The following NMNAT1 variants were observed in gnomAD, a reference collection of about 807,000 sequenced individuals.
NMNAT1 encodes nicotinamide nucleotide adenylyltransferase 1, also known as nicotinamide/nicotinic acid mononucleotide adenylyltransferase 1.
NMNAT1 carries 11 observed loss-of-function variants against 16.7 expected under a neutral mutation model. The ratio of observed to expected loss-of-function variants is 0.66; its 90% CI spans 0.41 to 1.09. The LOEUF (loss-of-function observed/expected upper bound fraction) is 1.09, where lower values mean the gene tolerates loss of function less well. Among genes scored for constraint, NMNAT1 ranks in the 50% least tolerant of loss-of-function variants. The pLI is 0.00. For synonymous variants in NMNAT1, 110 were observed against 119.8 expected, an observed-to-expected ratio of 0.92 and a Z score of 0.53; for missense variants, 280 against 332.3, an observed-to-expected ratio of 0.84 and a Z score of 1.22.
At chr1:9,981,773 C>G (rs1365516158) in intron 4 of NMNAT1, 1 of 154,046 alleles carries the variant, frequency 6.5e-6, no homozygotes, top group African/African-American at 2.4e-5. Context: ...CTTATTTCTC[C>G]TGCAGTGGTC....
the NMNAT1 span, among the ~76,000 whole-genome samples, chr1:9,992,740 T>C: frequency 6.6e-6 from 1 of 151,796 alleles, no homozygotes; most frequent in Non-Finnish European, 1.5e-5. Flanking sequence ...TGAAACCCCA[T>C]CTCTACTAAA....
rs6143117 is a variant in NMNAT1, at chr1:9,968,080, GT to G, written c.-56-3929del. 4.2e-5 allele frequency among the ~76,000 whole-genome samples: 5 copies of G among 117,774 alleles called. 1 individual carries two copies. The Admixed American group carries it at 4.5e-4, about 11-fold the overall frequency. The allele number at this position is 117,774 out of a possible 152,430, so 77.3% of individuals were successfully genotyped here. ...TTTGCCAAATGTAGTTTTTTTTTTT[GT>G]TTTTTTTTGAGATGGAGTCTCGCTC... is the stretch of plus-strand genomic sequence containing the variant. On this transcript the variant is annotated intron_variant, in intron 1 of 4. Transcript: ENST00000377205.
At position 9,982,295 on chromosome 1, in the gene NMNAT1, T is replaced by C. The variant is rs1352785945; in HGVS notation, c.440-6T>C. ...ATACCCCAAAGCTCTGTTTTATTCTTCCCAGCTGTGCCAAAGGTCAAGCTG... is the reference window on the plus strand; with the variant it reads ...ATACCCCAAAGCTCTGTTTTATTCTCCCCAGCTGTGCCAAAGGTCAAGCTG... On this transcript the variant is annotated splice_region_variant and splice_polypyrimidine_tract_variant and intron_variant, in intron 4 of 4. Transcript: ENST00000377205. The C allele has an allele frequency of 6.2e-7, 1 of 1,606,602 alleles. No individual in the cohort carries two copies. The highest frequency in any genetic ancestry group is 8.5e-7 in the Non-Finnish European group (1 of 1,175,640).
the NMNAT1 span, among the ~76,000 whole-genome samples, chr1:9,993,839 C>A: frequency 6.6e-6 from 1 of 152,108 alleles, no homozygotes; most frequent in South Asian, 2.1e-4. Flanking sequence ...CTTACACTTT[C>A]TAGCTTAGCT....
chr1:9,965,794 C>T (rs1641528378), intron 1 of NMNAT1, among the ~76,000 whole-genome samples: 1 of 152,014 alleles, frequency 6.6e-6, no homozygotes, highest in Non-Finnish European at 1.5e-5. Context: ...TGAGACCCAC[C>T]TTGACAACAT....
chr1:9,962,196 G>A (rs116536788), intron 1 of NMNAT1, among the ~76,000 whole-genome samples: 2 of 151,802 alleles, frequency 1.3e-5, no homozygotes, highest in South Asian at 4.2e-4. Flanking sequence ...AAAAATAACA[G>A]CTGCCGCCGG....
chr1:9,962,677 G>T (rs1357226615), intron 1 of NMNAT1, among the ~76,000 whole-genome samples: 5 of 74,232 alleles, frequency 6.7e-5, no homozygotes, highest in East Asian at 9.7e-4. Flanking sequence ...CCAAATAAGG[G>T]TTTTTTTTTT....
At chr1:9,970,014 G>A (rs927214892) in intron 1 of NMNAT1, among the ~76,000 whole-genome samples, 4 of 152,106 alleles carry the variant, frequency 2.6e-5, no homozygotes, top group African/African-American at 9.7e-5. Context: ...CAAAAGCTCC[G>A]GAATTAGAAG....
At chr1:9,952,291 G>A (rs1223237064) in intron 1 of NMNAT1, 1 of 151,940 alleles carries the variant, frequency 6.6e-6, no homozygotes, top group Non-Finnish European at 1.5e-5. Context: ...GACAGAGTGA[G>A]ACTCTGTCTC....
chr1:9,964,200 T>G (rs1186430982), intron 1 of NMNAT1, among the ~76,000 whole-genome samples: 1 of 151,362 alleles, frequency 6.6e-6, no homozygotes, highest in Non-Finnish European at 1.5e-5. Flanking sequence ...CCGAAAGTAT[T>G]TTTATAAAGC....
the NMNAT1 span, among the ~76,000 whole-genome samples, chr1:9,992,922 AAAAAG>A: frequency 6.6e-6 from 1 of 152,040 alleles, no homozygotes; most frequent in African/African-American, 2.4e-5. Flanking sequence ...AAAAAAGAAG[AAAAAG>A]AAAAGAAAAG....
downstream of NMNAT1, among the ~76,000 whole-genome samples, chr1:9,990,060 G>C (rs1255616292): frequency 2.0e-5 from 3 of 152,236 alleles, no homozygotes; most frequent in East Asian, 5.8e-4. Context: ...TGGCTGGCTA[G>C]TTCCAGCGCC....
At chr1:9,947,015 AT>A in intron 1 of NMNAT1, among the ~76,000 whole-genome samples, 1 of 152,148 alleles carries the variant, frequency 6.6e-6, no homozygotes, top group Non-Finnish European at 1.5e-5. Context: ...CTATATGCAG[AT>A]ACATCCAAAT....
chr1:9,964,545 C>T lies in NMNAT1; in HGVS notation c.-56-7473C>T, dbSNP rs1641497790. ...TGGGTGACAGAACAAGACCCCGTCTCAAAAAGAAAAAATAAAAGTATTCTA... is the reference window on the plus strand; with the variant it reads ...TGGGTGACAGAACAAGACCCCGTCTTAAAAAGAAAAAATAAAAGTATTCTA... On this transcript the variant is annotated intron_variant, in intron 1 of 4. Transcript: ENST00000377205. Among the ~76,000 whole-genome samples the T allele has an allele frequency of 4.0e-5, 6 of 151,366 alleles. No individual in the cohort carries two copies. In the South Asian group the frequency reaches 1.3e-3, roughly 32 times the overall value.
At chr1:9,955,403 C>CAAAAAAAA (rs71583829) in intron 1 of NMNAT1, among the ~76,000 whole-genome samples, 1 of 90,798 alleles carries the variant, frequency 1.1e-5, no homozygotes, top group Non-Finnish European at 2.0e-5. Flanking sequence ...GACTTTGTCT[C>CAAAAAAAA]AAAAAAAAAA....
chr1:9,993,302 A>T, the NMNAT1 span, among the ~76,000 whole-genome samples: 4 of 152,020 alleles, frequency 2.6e-5, no homozygotes, highest in African/African-American at 4.8e-5. Context: ...GATACGGTGA[A>T]ACCTCATCAC....
chr1:9,989,795 C>A (rs926129924), downstream of NMNAT1, among the ~76,000 whole-genome samples: 1 of 152,196 alleles, frequency 6.6e-6, no homozygotes, highest in Non-Finnish European at 1.5e-5. Flanking sequence ...TCACACTGAC[C>A]CTCCACTGAG....
At chr1:9,943,664 C>T (rs902967446) in intron 1 of NMNAT1, 149 bp downstream of exon 1, 2 of 152,162 alleles carry the variant, frequency 1.3e-5, no homozygotes, top group African/African-American at 4.8e-5. Flanking sequence ...TTTGATTGAC[C>T]CTTAATTTTT....
rs998739370 is a variant in NMNAT1, at chr1:9,943,501, G to C, written c.-71G>C. ...ATCTCCGGTAGCACTCGGGCCGGCG[G>C]ACAGTGAGGGCGCGGTAAGCTCCCC... On this transcript the variant is annotated 5_prime_UTR_variant, in exon 1 of 5. Transcript: ENST00000377205. 2 of 152,468 alleles carry C rather than the reference G, an allele frequency of 1.3e-5. No individual in the cohort carries two copies. Among genetic ancestry groups the C allele is most frequent in the Non-Finnish European group, 2.9e-5 (2 of 68,208 alleles). The allele number at this position is 152,468 out of a possible 1,614,324, so 9.4% of individuals were successfully genotyped here. A position where few individuals can be genotyped will look rare whatever the true frequency, so the allele number is the denominator to read the frequency against.
Sources: allele counts gnomAD v4.1 joint callset (sites outside exome capture counted in the v4.1 genomes callset), GRCh38; gene constraint gnomAD v4.1.1; transcripts MANE v1.5; gene names NCBI Gene and HGNC (gene_info 2026-07-23, HGNC 2026-07-21).